Variants in WDPCP observed in about 807,000 individuals in gnomAD.
WDPCP encodes the protein WD repeat containing planar cell polarity effector.
Under a neutral mutation model 93.1 loss-of-function variants are expected in WDPCP, and 71 were observed. That is an observed-to-expected ratio of 0.76 (90% CI 0.63 to 0.93). The LOEUF (loss-of-function observed/expected upper bound fraction) is 0.93, where lower values mean the gene tolerates loss of function less well. Ranked by LOEUF, WDPCP falls within the 40% of genes least tolerant of loss-of-function variation. WDPCP has a pLI of 0.00. For missense variants in WDPCP, 844 were observed against 887.4 expected, an observed-to-expected ratio of 0.95 and a Z score of 0.62; for synonymous variants, 315 against 315.0, an observed-to-expected ratio of 1.00 and a Z score of 0.00.
chr2:63,495,001 T>C (rs745344494), intron 1 of WDPCP, among the ~76,000 whole-genome samples: 2 of 146,382 alleles, frequency 1.4e-5, no homozygotes, highest in African/African-American at 2.5e-5. Context: ...ATAGGTGAAG[T>C]AGGAAAGGGT....
intron 1 of WDPCP, among the ~76,000 whole-genome samples, chr2:63,584,750 G>T (rs10865339): frequency 0.8 from 122,178 of 152,038 alleles, 49,772 homozygotes; most frequent in East Asian, 0.98. Flanking sequence ...TAGCCTCATT[G>T]TATTAATAAA....
intron 2 of WDPCP, among the ~76,000 whole-genome samples, chr2:63,797,827 G>A (rs1162879573): frequency 6.6e-6 from 1 of 151,982 alleles, no homozygotes; most frequent in Non-Finnish European, 1.5e-5. Context: ...AGTACAAGAG[G>A]TTATAGAACA....
At chr2:63,464,873 G>A (rs528690063) in intron 6 of WDPCP, among the ~76,000 whole-genome samples, 34 of 152,170 alleles carry the variant, frequency 2.2e-4, no homozygotes, top group Non-Finnish European at 1.9e-4. Flanking sequence ...CTGGTTACCA[G>A]GGGTTGAGGG....
chr2:63,836,426 CTCTG>C, the WDPCP span, among the ~76,000 whole-genome samples: 1 of 152,222 alleles, frequency 6.6e-6, no homozygotes, highest in Non-Finnish European at 1.5e-5. Flanking sequence ...CACAACTCTT[CTCTG>C]TGAGGATTTG....
At chr2:63,543,393 T>C (rs773086554) in intron 1 of WDPCP, among the ~76,000 whole-genome samples, 147 of 152,156 alleles carry the variant, frequency 9.7e-4, no homozygotes, top group Non-Finnish European at 1.9e-3. Context: ...TTCAAAAATA[T>C]TGAAAAATAT....
intron 12 of WDPCP, among the ~76,000 whole-genome samples, chr2:63,354,858 G>A (rs1031286001): frequency 2.6e-5 from 4 of 152,116 alleles, no homozygotes; most frequent in African/African-American, 9.7e-5. Context: ...CTCAGAACTT[G>A]AAGATCGATT....
intron 14 of WDPCP, among the ~76,000 whole-genome samples, chr2:63,182,392 A>T (rs1170922949): frequency 2.0e-5 from 3 of 152,030 alleles, no homozygotes; most frequent in African/African-American, 7.2e-5. Context: ...TTCTGTATCT[A>T]TTGAGATATT....
At chr2:63,172,928 A>T (rs567735834) in intron 15 of WDPCP, among the ~76,000 whole-genome samples, 5 of 152,054 alleles carry the variant, frequency 3.3e-5, no homozygotes, top group Non-Finnish European at 7.4e-5. Context: ...AAAATACTGG[A>T]CAAGAGAAAA....
chr2:63,191,933 C>G (rs535936496), intron 14 of WDPCP, among the ~76,000 whole-genome samples: 2 of 152,138 alleles, frequency 1.3e-5, no homozygotes. Flanking sequence ...TGCTTTTGTA[C>G]TATAGTGTCG....
At chr2:63,139,668 T>C (rs1358416401) in intron 17 of WDPCP, among the ~76,000 whole-genome samples, 2 of 152,188 alleles carry the variant, frequency 1.3e-5, no homozygotes, top group African/African-American at 2.4e-5. Flanking sequence ...TATGGGATTG[T>C]TTTTTTCTTA....
chr2:63,590,909 C>CT (rs1709190017), upstream of WDPCP: 1 of 152,172 alleles, frequency 6.6e-6, no homozygotes, highest in Non-Finnish European at 1.5e-5. Flanking sequence ...GCGGAGGATT[C>CT]TTTGCTTGTT....
chr2:63,129,207 T>C (rs1670127852), intron 17 of WDPCP, among the ~76,000 whole-genome samples: 1 of 152,240 alleles, frequency 6.6e-6, no homozygotes, highest in Admixed American at 6.5e-5. Flanking sequence ...GTTTCCACCT[T>C]TTGGGTATTG....
At position 63,275,369 on chromosome 2, in the gene WDPCP, A is replaced by AG. The variant is rs1258520203; in HGVS notation, c.1813-15961dup. ...GCAAAAGCTGAAAGTATTTCTTCTA[A>AG]GAACTGAACAAGAAAAGGATGCCCA... On this transcript the variant is annotated intron_variant, in intron 13 of 17. Coordinates refer to ENST00000272321, the MANE Select transcript of WDPCP (RefSeq NM_015910.7). Among the ~76,000 whole-genome samples the AG allele has an allele frequency of 2.0e-5, 3 of 152,206 alleles. No homozygotes were observed. In the East Asian group the frequency reaches 5.8e-4, roughly 29 times the overall value.
At chr2:63,247,536 C>T (rs1300971439) in intron 14 of WDPCP, among the ~76,000 whole-genome samples, 1 of 152,070 alleles carries the variant, frequency 6.6e-6, no homozygotes, top group East Asian at 1.9e-4. Context: ...TCAATGTAGA[C>T]AGCTTTGTTG....
At chr2:63,464,740 C>T (rs562445443) in intron 6 of WDPCP, among the ~76,000 whole-genome samples, 7 of 152,052 alleles carry the variant, frequency 4.6e-5, no homozygotes, top group African/African-American at 1.2e-4. Context: ...TGCTACGACA[C>T]GGATGAACCT....
chr2:63,537,923 T>A (rs1704419826), intron 1 of WDPCP, among the ~76,000 whole-genome samples: 1 of 152,222 alleles, frequency 6.6e-6, no homozygotes, highest in South Asian at 2.1e-4. Context: ...ATATTTGCTG[T>A]CAGATAAATT....
chr2:63,483,254 A>C (rs1009311261), intron 6 of WDPCP, among the ~76,000 whole-genome samples: 4 of 151,938 alleles, frequency 2.6e-5, no homozygotes, highest in African/African-American at 9.7e-5. Context: ...GAGTAATGGC[A>C]TTAAAAACTA....
chr2:63,456,964 G>C (rs1046467424), intron 6 of WDPCP, among the ~76,000 whole-genome samples: 1 of 152,078 alleles, frequency 6.6e-6, no homozygotes, highest in South Asian at 2.1e-4. Flanking sequence ...GTGAGCCGAG[G>C]TTGCAGTGAG....
intron 14 of WDPCP, among the ~76,000 whole-genome samples, chr2:63,184,211 T>C (rs1674459934): frequency 6.6e-6 from 1 of 152,168 alleles, no homozygotes; most frequent in Non-Finnish European, 1.5e-5. Flanking sequence ...CATCTTTTTT[T>C]CCCTCTTTCT....
Sources: gnomAD v4.1 joint callset for allele counts (sites outside exome capture counted in the v4.1 genomes callset) on GRCh38, gnomAD v4.1.1 for gene constraint, MANE v1.5 for transcripts, NCBI Gene and HGNC (gene_info 2026-07-23, HGNC 2026-07-21) for gene names.